Variants in RFX3 observed in about 807,000 individuals in gnomAD.
RFX3 encodes the protein regulatory factor X3, also known as transcription factor RFX3.
RFX3 carries 14 observed loss-of-function variants against 98.6 expected under a neutral mutation model. That is an observed-to-expected ratio of 0.14 (90% CI 0.09 to 0.22). The LOEUF (loss-of-function observed/expected upper bound fraction) is 0.22, where lower values mean the gene tolerates loss of function less well. RFX3 is among the 10% of genes least tolerant of loss of function. The pLI is 1.00. For missense variants in RFX3, 639 were observed against 926.9 expected (o/e 0.69, Z 4.03); for synonymous variants, 383 against 328.4 (o/e 1.17, Z -1.80).
At chr9:3,445,608 T>A (rs933037220) in intron 1 of RFX3, among the ~76,000 whole-genome samples, 1 of 152,156 alleles carries the variant, frequency 6.6e-6, no homozygotes, top group African/African-American at 2.4e-5. Flanking sequence ...AAATATTTCC[T>A]GTATTCCCAC....
chr9:3,314,473 A>C (rs1288347946), intron 4 of RFX3, among the ~76,000 whole-genome samples: 1 of 152,236 alleles, frequency 6.6e-6, no homozygotes, highest in Non-Finnish European at 1.5e-5. Flanking sequence ...ACTAACGAGC[A>C]AAATAACCAG....
intron 3 of RFX3, among the ~76,000 whole-genome samples, chr9:3,345,552 T>C (rs189157457): frequency 2.0e-4 from 31 of 152,284 alleles, no homozygotes; most frequent in Admixed American, 3.9e-4. Context: ...CCAGGCTCTG[T>C]ATTAGGTACT....
chr9:3,314,607 C>T (rs1284075425), intron 4 of RFX3, among the ~76,000 whole-genome samples: 13 of 152,098 alleles, frequency 8.5e-5, no homozygotes, highest in African/African-American at 2.4e-4. Context: ...GACCCATCAG[C>T]GTGCTGTATT....
chr9:3,330,324 T>C lies in RFX3; in HGVS notation c.409A>G (p.Ile137Val), dbSNP rs1832442927. The change falls in exon 4 of 17, where the codon ATC (isoleucine) becomes GTC (valine). Residue 137 changes from isoleucine to valine, a missense_variant. By Grantham distance (29) the Ile-to-Val change is conservative. Coordinates refer to ENST00000617270, the MANE Select transcript of RFX3 (RefSeq NM_001282116.2). ...CCAGAATTCTCCATTGAGTTGCCGA[T>C]CAGATAGGTTCCTCCAGAGCTGCTG... is the stretch of plus-strand genomic sequence containing the variant. ...LISSSGGTYL[I>V]GNSMENSGHS... is the part of the protein sequence containing the mutation. 1.2e-6 allele frequency: 2 copies of C among 1,614,026 alleles called. No individual in the cohort carries two copies. The highest frequency in any genetic ancestry group is 2.2e-5 in the East Asian group (1 of 44,886).
At chr9:3,381,127 G>A (rs1375576969) in intron 2 of RFX3, among the ~76,000 whole-genome samples, 1 of 151,892 alleles carries the variant, frequency 6.6e-6, no homozygotes, top group Non-Finnish European at 1.5e-5. Context: ...TATTATAACT[G>A]CCTACCAAAT....
chr9:3,304,815 T>C (rs1001998364), intron 4 of RFX3, among the ~76,000 whole-genome samples: 1 of 152,026 alleles, frequency 6.6e-6, no homozygotes, highest in African/African-American at 2.4e-5. Flanking sequence ...AGATATGTCT[T>C]TATCAGCAGC....
intron 2 of RFX3, among the ~76,000 whole-genome samples, chr9:3,385,362 G>A (rs1404289688): frequency 6.6e-6 from 1 of 152,084 alleles, no homozygotes; most frequent in African/African-American, 2.4e-5. Flanking sequence ...CAAAACTATG[G>A]AATCAACTAA....
At chr9:3,385,300 T>C (rs1177069971) in intron 2 of RFX3, among the ~76,000 whole-genome samples, 1 of 152,180 alleles carries the variant, frequency 6.6e-6, no homozygotes, top group Admixed American at 6.5e-5. Flanking sequence ...AAATTGATAG[T>C]TTGATAGGCA....
At chr9:3,341,058 A>G (rs201072811) in intron 3 of RFX3, among the ~76,000 whole-genome samples, 3 of 152,184 alleles carry the variant, frequency 2.0e-5, no homozygotes, top group Admixed American at 2.0e-4. Flanking sequence ...TACACACCAT[A>G]GAATACTATG....
intron 1 of RFX3, among the ~76,000 whole-genome samples, chr9:3,487,491 AAAAGT>A (rs1176188466): frequency 1.8e-4 from 28 of 152,220 alleles, no homozygotes; most frequent in African/African-American, 5.8e-4. Context: ...GGAAAGCAAT[AAAAGT>A]AAAGTAAACT....
In RFX3 at chr9:3,378,555, CTT is replaced by C. The variant is rs869126415; in HGVS notation, c.117+16915_117+16916del. ...CTTCTTTCTCATATTTTTTTTCTTT[CTT>C]TTTTTTTTTTTTTTTTGAGATGGAG... On this transcript the variant is annotated intron_variant, in intron 2 of 16. Coordinates refer to ENST00000617270, the MANE Select transcript of RFX3 (RefSeq NM_001282116.2). Among the ~76,000 whole-genome samples, 704 of 125,014 alleles carry C rather than the reference CTT, an allele frequency of 5.6e-3. 2 individuals carry two copies. The highest frequency in any genetic ancestry group is 8.7e-3 in the Middle Eastern group (2 of 230). The allele number at this position is 125,014 out of a possible 152,430, so 82.0% of individuals were successfully genotyped here.
intron 12 of RFX3, among the ~76,000 whole-genome samples, chr9:3,265,042 CT>C (rs1563825366): frequency 6.6e-6 from 1 of 152,156 alleles, no homozygotes. Context: ...TACAACAGCA[CT>C]GCCAAAGAGA....
intron 2 of RFX3, among the ~76,000 whole-genome samples, chr9:3,367,797 C>T (rs767410687): frequency 2.0e-5 from 3 of 152,150 alleles, no homozygotes; most frequent in Non-Finnish European, 4.4e-5. Context: ...AAGGATAATT[C>T]TTCCTCAAAA....
intron 1 of RFX3, among the ~76,000 whole-genome samples, chr9:3,408,226 T>C (rs1015928073): frequency 6.6e-6 from 1 of 152,134 alleles, no homozygotes; most frequent in Non-Finnish European, 1.5e-5. Flanking sequence ...TCCTTCCTAA[T>C]GGCACTGCAA....
intron 2 of RFX3, among the ~76,000 whole-genome samples, chr9:3,351,000 G>C (rs904124127): frequency 2.0e-4 from 31 of 152,150 alleles, no homozygotes; most frequent in African/African-American, 7.5e-4. Flanking sequence ...TACTCTGCAT[G>C]ATACTGTAAT....
intron 2 of RFX3, among the ~76,000 whole-genome samples, chr9:3,377,298 C>T (rs1838652527): frequency 6.6e-6 from 1 of 152,100 alleles, no homozygotes; most frequent in Non-Finnish European, 1.5e-5. Flanking sequence ...TTTGTAGGGA[C>T]ATGGATGAAG....
chr9:3,346,217 A>G (rs1457717229), intron 3 of RFX3, among the ~76,000 whole-genome samples: 1 of 152,160 alleles, frequency 6.6e-6, no homozygotes, highest in African/African-American at 2.4e-5. Flanking sequence ...ATTATCAGAC[A>G]TTTTTATGTG....
chr9:3,324,034 G>T (rs564521692), intron 4 of RFX3: 18 of 454,826 alleles, frequency 4.0e-5, no homozygotes, highest in African/African-American at 1.8e-4. Flanking sequence ...ATGATTTAGT[G>T]TAGGAAACAG....
At chr9:3,313,036 T>A (rs919956491) in intron 4 of RFX3, among the ~76,000 whole-genome samples, 1 of 152,166 alleles carries the variant, frequency 6.6e-6, no homozygotes, top group East Asian at 1.9e-4. Flanking sequence ...CAGCACAGAA[T>A]TTAAGATCTA....
Sources: gnomAD v4.1 joint callset for allele counts (sites outside exome capture counted in the v4.1 genomes callset) on GRCh38, gnomAD v4.1.1 for gene constraint, MANE v1.5 for transcripts, NCBI Gene and HGNC (gene_info 2026-07-23, HGNC 2026-07-21) for gene names.